Variants in EYA1 observed in about 807,000 individuals in gnomAD.
EYA1 encodes the protein protein phosphatase EYA1.
Under a neutral mutation model 82.0 loss-of-function variants are expected in EYA1, and 16 were observed. The observed-to-expected ratio is 0.20, with a 90% CI of 0.13 to 0.30. EYA1 has a LOEUF of 0.30. Ranked by LOEUF, EYA1 falls within the 10% of genes least tolerant of loss-of-function variation. EYA1 has a pLI of 1.00. For missense variants in EYA1, 633 were observed against 730.7 expected, an observed-to-expected ratio of 0.87 and a Z score of 1.54; for synonymous variants, 261 against 264.4, an observed-to-expected ratio of 0.99 and a Z score of 0.12.
chr8:71,289,299 C>T (rs887901927), intron 9 of EYA1, among the ~76,000 whole-genome samples: 2 of 152,158 alleles, frequency 1.3e-5, no homozygotes, highest in African/African-American at 4.8e-5. Flanking sequence ...CCAAGATATC[C>T]ACAAACTGCT....
chr8:71,432,513 G>T (rs1041628549), intron 2 of EYA1, among the ~76,000 whole-genome samples: 1 of 152,132 alleles, frequency 6.6e-6, no homozygotes, highest in African/African-American at 2.4e-5. Context: ...AGGCATCTTT[G>T]GTTTCTTCTG....
At chr8:71,542,622 C>G (rs1038390641) in intron 1 of EYA1, among the ~76,000 whole-genome samples, 18 of 152,176 alleles carry the variant, frequency 1.2e-4, no homozygotes, top group African/African-American at 4.1e-4. Flanking sequence ...GTTTTTCAGT[C>G]TTTGAGGAAT....
Position 71,303,315 on chromosome 8 carries a change from T to TACACACAC in EYA1, c.557-3603_557-3596dup, listed in dbSNP as rs58345968. Reference sequence around the variant, plus strand: ...CTCTGTGATGTACGTACATTTGATATACACACACACACACACACACACATC... The same window carrying TACACACAC: ...CTCTGTGATGTACGTACATTTGATATACACACACACACACACACACACACACACACATC... On this transcript the variant is annotated intron_variant, in intron 7 of 17. Coordinates refer to ENST00000340726, the MANE Select transcript of EYA1 (RefSeq NM_000503.6). Among the ~76,000 whole-genome samples, 37 of 131,984 alleles carry TACACACAC rather than the reference T, an allele frequency of 2.8e-4. 2 individuals carry two copies. The highest frequency in any genetic ancestry group is 9.5e-4 in the African/African-American group (35 of 36,940). The allele number at this position is 131,984 out of a possible 152,430, so 86.6% of individuals were successfully genotyped here.
chr8:71,492,168 G>A (rs1029652382), intron 2 of EYA1, among the ~76,000 whole-genome samples: 2 of 152,144 alleles, frequency 1.3e-5, no homozygotes, highest in Admixed American at 6.5e-5. Flanking sequence ...AGGAAAAGGG[G>A]GCCCTAAAAA....
At chr8:71,371,473 C>T (rs552229680) in intron 2 of EYA1, among the ~76,000 whole-genome samples, 15 of 152,228 alleles carry the variant, frequency 9.9e-5, no homozygotes, top group East Asian at 5.8e-4. Context: ...CCTCCTAAGG[C>T]GAGAACTCAA....
chr8:71,267,862 T>TA, intron 11 of EYA1, among the ~76,000 whole-genome samples: 1 of 152,228 alleles, frequency 6.6e-6, no homozygotes, highest in East Asian at 1.9e-4. Flanking sequence ...TAAAACTTTT[T>TA]ATCACATGAC....
chr8:71,466,579 G>A (rs1167662129), intron 2 of EYA1, among the ~76,000 whole-genome samples: 1 of 152,114 alleles, frequency 6.6e-6, no homozygotes, highest in Non-Finnish European at 1.5e-5. Flanking sequence ...ATGTGAGCAG[G>A]TGTAGAGATA....
intron 17 of EYA1, among the ~76,000 whole-genome samples, chr8:71,210,425 G>A (rs1359140889): frequency 6.6e-6 from 1 of 152,150 alleles, no homozygotes; most frequent in East Asian, 1.9e-4. Context: ...GGTACAGGAG[G>A]GAGACAGATC....
chr8:71,531,429 C>T (rs1481244626), intron 2 of EYA1, among the ~76,000 whole-genome samples: 2 of 152,176 alleles, frequency 1.3e-5, no homozygotes, highest in Non-Finnish European at 2.9e-5. Context: ...ACTAGGCTCT[C>T]TCTATTTGAT....
intron 3 of EYA1, among the ~76,000 whole-genome samples, chr8:71,350,151 AC>A (rs1434897483): frequency 6.6e-6 from 1 of 152,244 alleles, no homozygotes; most frequent in Non-Finnish European, 1.5e-5. Context: ...AAGTTATATT[AC>A]CATGTTTCTA....
chr8:71,225,140 A>T, intron 12 of EYA1: 2 of 443,750 alleles, frequency 4.5e-6, no homozygotes, highest in Admixed American at 4.9e-5. Flanking sequence ...TGTACTGTGT[A>T]TTTATACTTA....
intron 11 of EYA1, among the ~76,000 whole-genome samples, chr8:71,269,048 C>A (rs556701419): frequency 6.6e-6 from 1 of 152,268 alleles, no homozygotes; most frequent in East Asian, 1.9e-4. Context: ...CTTTAAATAA[C>A]ATTTTTGCCT....
chr8:71,454,785 T>C (rs991341693), intron 2 of EYA1, among the ~76,000 whole-genome samples: 9 of 152,108 alleles, frequency 5.9e-5, no homozygotes, highest in African/African-American at 2.2e-4. Flanking sequence ...TAGAGGGAAA[T>C]TTACAGCACT....
intron 7 of EYA1, among the ~76,000 whole-genome samples, chr8:71,313,712 G>A (rs894266824): frequency 4.6e-5 from 7 of 152,180 alleles, no homozygotes; most frequent in Admixed American, 3.3e-4. Flanking sequence ...TAGAACTGCT[G>A]ACAGCCAATC....
At chr8:71,487,883 G>A (rs1248518989) in intron 2 of EYA1, among the ~76,000 whole-genome samples, 1 of 152,166 alleles carries the variant, frequency 6.6e-6, no homozygotes, top group African/African-American at 2.4e-5. Context: ...AGTATATGCT[G>A]GTTTTGGAAA....
At chr8:71,418,184 T>C (rs2129146714) in intron 2 of EYA1, among the ~76,000 whole-genome samples, 1 of 152,316 alleles carries the variant, frequency 6.6e-6, no homozygotes, top group South Asian at 2.1e-4. Context: ...TTCATTCTAG[T>C]TCCCCAACAC....
intron 2 of EYA1, among the ~76,000 whole-genome samples, chr8:71,390,735 A>AT (rs1829230415): frequency 6.6e-6 from 1 of 151,934 alleles, no homozygotes; most frequent in African/African-American, 2.4e-5. Flanking sequence ...GCATCAATTT[A>AT]TTTTTTCTTT....
At chr8:71,200,127 G>C (rs553619518) in intron 17 of EYA1, 27 of 154,442 alleles carry the variant, frequency 1.7e-4, no homozygotes, top group African/African-American at 6.5e-4. Flanking sequence ...AACTTTCACT[G>C]CTCCAAAGCA....
intron 17 of EYA1, among the ~76,000 whole-genome samples, chr8:71,203,206 C>T (rs1392265292): frequency 3.3e-5 from 5 of 152,168 alleles, no homozygotes; most frequent in African/African-American, 7.2e-5. Context: ...ATAACATGAG[C>T]GTTTAGGGAA....
Sources: allele counts gnomAD v4.1 joint callset (sites outside exome capture counted in the v4.1 genomes callset), GRCh38; gene constraint gnomAD v4.1.1; transcripts MANE v1.5; gene names NCBI Gene and HGNC (gene_info 2026-07-23, HGNC 2026-07-21).